LARGE1: variants seen among roughly 807,000 people sequenced by gnomAD.
LARGE1 encodes the protein xylosyl- and glucuronyltransferase LARGE1.
In LARGE1, 43 loss-of-function variants were observed where a neutral mutation model predicts 87.6. The observed-to-expected ratio is 0.49, with a 90% CI of 0.38 to 0.63. The LOEUF (loss-of-function observed/expected upper bound fraction) is 0.63, where lower values mean the gene tolerates loss of function less well. Ranked by LOEUF, LARGE1 falls within the 30% of genes least tolerant of loss-of-function variation. LARGE1 has a pLI of 0.00. For missense variants in LARGE1, 802 were observed against 1,000.2 expected, an observed-to-expected ratio of 0.80 and a Z score of 2.67; for synonymous variants, 434 against 394.6, an observed-to-expected ratio of 1.10 and a Z score of -1.18.
intron 11 of LARGE1, among the ~76,000 whole-genome samples, chr22:33,192,257 A>AGGTGTT (rs1409569514): frequency 6.6e-6 from 1 of 152,212 alleles, no homozygotes; most frequent in East Asian, 1.9e-4. Context: ...GACATCCGAA[A>AGGTGTT]GGTGTTTTGA....
At chr22:33,176,847 C>T (rs1299690149) in intron 11 of LARGE1, among the ~76,000 whole-genome samples, 1 of 152,102 alleles carries the variant, frequency 6.6e-6, no homozygotes, top group East Asian at 1.9e-4. Context: ...ACTATAAAGA[C>T]ACATGTACAT....
At chr22:33,884,025 T>C (rs2064773477) in intron 1 of LARGE1, among the ~76,000 whole-genome samples, 3 of 152,206 alleles carry the variant, frequency 2.0e-5, no homozygotes, top group South Asian at 2.1e-4. Flanking sequence ...CCACAGTACT[T>C]AGAACAGTGC....
In LARGE1 at chr22:33,815,199, G is replaced by A. The variant is rs115618312; in HGVS notation, c.-82-53641C>T. 8.4e-3 allele frequency among the ~76,000 whole-genome samples: 1,283 copies of A among 152,282 alleles called. 15 individuals carry two copies. Among genetic ancestry groups the A allele is most frequent in the African/African-American group, 0.03 (1,237 of 41,536 alleles). ...GCGGCACAGTCTGGCAGCCTAGCACGTTCAGTTTCTCCCAGGACAGTAGTG... is the reference window on the plus strand; with the variant it reads ...GCGGCACAGTCTGGCAGCCTAGCACATTCAGTTTCTCCCAGGACAGTAGTG... On this transcript the variant is annotated intron_variant, in intron 1 of 14. Transcript: ENST00000397394.
chr22:33,167,970 T>C (rs1922362803), intron 11 of LARGE1, among the ~76,000 whole-genome samples: 1 of 152,172 alleles, frequency 6.6e-6, no homozygotes, highest in Non-Finnish European at 1.5e-5. Flanking sequence ...TGCAAATATT[T>C]GAAGCAGGAA....
chr22:33,765,619 C>T (rs1477825905), intron 1 of LARGE1, among the ~76,000 whole-genome samples: 1 of 141,226 alleles, frequency 7.1e-6, no homozygotes, highest in African/African-American at 2.7e-5. Context: ...GCAGGAGAAT[C>T]GTTTGAAACT....
intron 1 of LARGE1, among the ~76,000 whole-genome samples, chr22:33,770,140 T>G (rs528401139): frequency 6.6e-6 from 1 of 152,358 alleles, no homozygotes; most frequent in East Asian, 1.9e-4. Context: ...TCATAGATAT[T>G]AAGGAATCCA....
chr22:33,878,509 C>G (rs527643045), intron 1 of LARGE1, among the ~76,000 whole-genome samples: 22 of 152,234 alleles, frequency 1.4e-4, no homozygotes, highest in Admixed American at 3.9e-4. Flanking sequence ...ATTCCTTTCT[C>G]AAAGGAATTT....
At chr22:33,567,583 T>A (rs1256096629) in intron 5 of LARGE1, among the ~76,000 whole-genome samples, 1 of 152,212 alleles carries the variant, frequency 6.6e-6, no homozygotes, top group African/African-American at 2.4e-5. Context: ...GTTTCTGCTA[T>A]TTATAAAGGT....
chr22:33,143,786 C>T, the LARGE1 span, among the ~76,000 whole-genome samples: 3 of 151,910 alleles, frequency 2.0e-5, no homozygotes, highest in East Asian at 5.8e-4. Context: ...AAATCATTCA[C>T]ATTAAATCAG....
At chr22:33,599,520 G>T (rs1209323956) in intron 5 of LARGE1, among the ~76,000 whole-genome samples, 1 of 152,122 alleles carries the variant, frequency 6.6e-6, no homozygotes, top group Non-Finnish European at 1.5e-5. Context: ...GCATTTCACA[G>T]GCCATAGAGA....
chr22:33,895,274 G>A (rs975788456), intron 1 of LARGE1, among the ~76,000 whole-genome samples: 2 of 152,206 alleles, frequency 1.3e-5, no homozygotes, highest in Non-Finnish European at 2.9e-5. Context: ...GAGGACAAGA[G>A]GAGGAGATGG....
At chr22:33,068,809 C>T in the LARGE1 span, among the ~76,000 whole-genome samples, 3 of 152,112 alleles carry the variant, frequency 2.0e-5, no homozygotes, top group South Asian at 2.1e-4. Context: ...CAAAACAGCA[C>T]GTGCCTCAGG....
intron 6 of LARGE1, among the ~76,000 whole-genome samples, chr22:33,497,663 CTCT>C (rs2070206607): frequency 1.3e-5 from 2 of 152,300 alleles, no homozygotes; most frequent in South Asian, 2.1e-4. Context: ...AGGACAGTAA[CTCT>C]TCTTCTAGAA....
intron 1 of LARGE1, among the ~76,000 whole-genome samples, chr22:33,835,282 T>C (rs981208943): frequency 8.5e-5 from 13 of 152,224 alleles, no homozygotes; most frequent in African/African-American, 2.7e-4. Flanking sequence ...TTCTACACTT[T>C]GGAGTCTGTA....
intron 9 of LARGE1, among the ~76,000 whole-genome samples, chr22:33,376,590 A>G (rs1296717046): frequency 1.3e-5 from 2 of 152,230 alleles, no homozygotes; most frequent in Non-Finnish European, 2.9e-5. Context: ...GCTCTATATC[A>G]TAATGATATA....
chr22:33,539,535 A>G (rs1043813274), intron 6 of LARGE1, among the ~76,000 whole-genome samples: 1 of 152,114 alleles, frequency 6.6e-6, no homozygotes, highest in Non-Finnish European at 1.5e-5. Context: ...AATTTCCTTT[A>G]GATTGTCACA....
chr22:33,499,988 G>A (rs2070350662), intron 6 of LARGE1, among the ~76,000 whole-genome samples: 1 of 152,112 alleles, frequency 6.6e-6, no homozygotes. Flanking sequence ...TGGTCAGGCT[G>A]GTCTCGAACT....
chr22:33,918,923 CT>C (rs398121809), intron 1 of LARGE1, among the ~76,000 whole-genome samples: 3 of 4,862 alleles, frequency 6.2e-4, no homozygotes, highest in African/African-American at 2.0e-3. Context: ...CCACTCCCTC[CT>C]CTCTCTCTCT....
At chr22:33,507,309 G>T (rs2070813322) in intron 6 of LARGE1, among the ~76,000 whole-genome samples, 1 of 152,204 alleles carries the variant, frequency 6.6e-6, no homozygotes, top group South Asian at 2.1e-4. Flanking sequence ...TAATCCTAGA[G>T]AGGGGCTCTG....
Sources: gnomAD v4.1 joint callset for allele counts (sites outside exome capture counted in the v4.1 genomes callset) on GRCh38, gnomAD v4.1.1 for gene constraint, MANE v1.5 for transcripts, NCBI Gene and HGNC (gene_info 2026-07-23, HGNC 2026-07-21) for gene names.